PDZD2: variants seen among roughly 807,000 people sequenced by gnomAD.
PDZD2 encodes the protein PDZ domain containing 2, also known as PDZ domain-containing protein 2.
PDZD2 carries 90 observed loss-of-function variants against 220.7 expected under a neutral mutation model. That is an observed-to-expected ratio of 0.41 (90% CI 0.34 to 0.49). PDZD2 has a LOEUF of 0.49. PDZD2 is among the 20% of genes least tolerant of loss of function. PDZD2 has a pLI of 0.28. For synonymous variants in PDZD2, 1,375 were observed against 1,450.5 expected, an observed-to-expected ratio of 0.95 and a Z score of 1.18; for missense variants, 3,174 against 3,608.5, an observed-to-expected ratio of 0.88 and a Z score of 3.08.
At chr5:31,725,713 A>G (rs1306946373) in intron 1 of PDZD2, 8 of 889,946 alleles carry the variant, frequency 9.0e-6, no homozygotes, top group Admixed American at 1.7e-5. Flanking sequence ...TAGTTTTGGT[A>G]TGAGATGCAG....
chr5:31,897,239 G>GAGT (rs1328489612), intron 2 of PDZD2, among the ~76,000 whole-genome samples: 11 of 152,132 alleles, frequency 7.2e-5, no homozygotes, highest in Admixed American at 2.6e-4. Context: ...AGGGCACCAG[G>GAGT]AGTATGTCAG....
At chr5:31,762,850 G>A (rs995564581) in intron 1 of PDZD2, among the ~76,000 whole-genome samples, 1 of 152,150 alleles carries the variant, frequency 6.6e-6, no homozygotes, top group Non-Finnish European at 1.5e-5. Flanking sequence ...GCTGTCTCTA[G>A]TGTCCTTCCC....
At chr5:31,825,767 T>C (rs951343646) in intron 2 of PDZD2, among the ~76,000 whole-genome samples, 4 of 152,192 alleles carry the variant, frequency 2.6e-5, no homozygotes, top group Non-Finnish European at 5.9e-5. Flanking sequence ...GAAATAATAG[T>C]TACCATTTCC....
Position 32,097,389 on chromosome 5 carries a change from C to CA in PDZD2, c.7947+10dup. ...AGCCAAAATCAATCACGGTAAGTGACAGAGTCATTAGGCTCTCAGGAAAAT... is the reference window on the plus strand; with the variant it reads ...AGCCAAAATCAATCACGGTAAGTGACAAGAGTCATTAGGCTCTCAGGAAAAT... On this transcript the variant is annotated intron_variant, in intron 22 of 24. Coordinates refer to ENST00000438447, the MANE Select transcript of PDZD2 (RefSeq NM_178140.4). 1 of 1,544,332 alleles carries CA rather than the reference C, an allele frequency of 6.5e-7. No individual in the cohort carries two copies. The highest frequency in any genetic ancestry group is 9.0e-7 in the Non-Finnish European group (1 of 1,116,238).
chr5:31,688,270 T>C (rs1746955471), intron 1 of PDZD2, among the ~76,000 whole-genome samples: 1 of 152,118 alleles, frequency 6.6e-6, no homozygotes, highest in South Asian at 2.1e-4. Flanking sequence ...TGTCAAAGCT[T>C]TTTGGATCTG....
At chr5:32,078,414 G>C (rs1741534576) in intron 19 of PDZD2, among the ~76,000 whole-genome samples, 1 of 152,020 alleles carries the variant, frequency 6.6e-6, no homozygotes, top group Non-Finnish European at 1.5e-5. Context: ...AGTAGATCAT[G>C]AGGTCAGGAG....
Position 31,752,069 on chromosome 5 carries a change from G to GTTTTTTTTTTTTTTT in PDZD2, c.-360-46817_-360-46816insTTTTTTTTTTTTTTT, listed in dbSNP as rs1491302993. ...TTGTTTGTTTGTTTTATTGTTTTGG[G>GTTTTTTTTTTTTTTT]TTTGTTTTTTTTTTTTTTTTTCTGA... On this transcript the variant is annotated intron_variant, in intron 1 of 24. Coordinates refer to ENST00000438447, the MANE Select transcript of PDZD2 (RefSeq NM_178140.4). 7.3e-5 allele frequency among the ~76,000 whole-genome samples: 7 copies of GTTTTTTTTTTTTTTT among 95,846 alleles called. 1 individual carries two copies. Among genetic ancestry groups the GTTTTTTTTTTTTTTT allele is most frequent in the Non-Finnish European group, 9.6e-5 (5 of 52,186 alleles). 62.9% of individuals were successfully genotyped at this position (95,846 alleles called of 152,430 possible). A position where few individuals can be genotyped will look rare whatever the true frequency, so the allele number is the denominator to read the frequency against.
At chr5:32,002,598 ACACAC>A (rs1361535061) in intron 5 of PDZD2, among the ~76,000 whole-genome samples, 2 of 142,722 alleles carry the variant, frequency 1.4e-5, no homozygotes, top group Non-Finnish European at 3.2e-5. Flanking sequence ...TACCACACAC[ACACAC>A]CACACACACA....
At chr5:31,898,655 G>A (rs2150355659) in intron 2 of PDZD2, among the ~76,000 whole-genome samples, 1 of 152,220 alleles carries the variant, frequency 6.6e-6, no homozygotes, top group African/African-American at 2.4e-5. Context: ...TGCACATAGT[G>A]TGTGGATGCT....
At chr5:31,860,752 G>A (rs575052237) in intron 2 of PDZD2, among the ~76,000 whole-genome samples, 1 of 152,292 alleles carries the variant, frequency 6.6e-6, no homozygotes, top group African/African-American at 2.4e-5. Flanking sequence ...TCATTATGCT[G>A]CTGCTTCTGT....
chr5:31,816,874 C>G (rs1755492618), intron 2 of PDZD2, among the ~76,000 whole-genome samples: 1 of 152,182 alleles, frequency 6.6e-6, no homozygotes, highest in African/African-American at 2.4e-5. Flanking sequence ...GTATCTTCAG[C>G]TATGGCAGCT....
chr5:31,689,298 T>C (rs1174218539), intron 1 of PDZD2, among the ~76,000 whole-genome samples: 33 of 137,486 alleles, frequency 2.4e-4, no homozygotes, highest in Non-Finnish European at 3.2e-4. Context: ...TACATATACA[T>C]ATACACATAC....
intron 2 of PDZD2, chr5:31,822,985 T>G: frequency 8.5e-7 from 1 of 1,178,954 alleles, no homozygotes; most frequent in East Asian, 3.4e-5. Flanking sequence ...CCTCTTTTTT[T>G]TCTTTCCGAG....
chr5:32,106,875 G>A (rs2111752329), intron 24 of PDZD2, among the ~76,000 whole-genome samples: 1 of 152,292 alleles, frequency 6.6e-6, no homozygotes, highest in South Asian at 2.1e-4. Flanking sequence ...GGCTGATATT[G>A]GTGAGGTCTC....
chr5:31,976,938 G>A (rs976383966), intron 2 of PDZD2, among the ~76,000 whole-genome samples: 2 of 151,132 alleles, frequency 1.3e-5, no homozygotes, highest in Admixed American at 6.6e-5. Context: ...GGCTGGTCTC[G>A]AACTCCTGAC....
chr5:31,678,932 T>A (rs906974525), intron 1 of PDZD2, among the ~76,000 whole-genome samples: 2 of 152,158 alleles, frequency 1.3e-5, no homozygotes, highest in African/African-American at 4.8e-5. Flanking sequence ...TCCCCCCTTT[T>A]TAATTATGTC....
chr5:31,709,575 G>A (rs966436708), intron 1 of PDZD2, among the ~76,000 whole-genome samples: 1 of 152,114 alleles, frequency 6.6e-6, no homozygotes, highest in African/African-American at 2.4e-5. Context: ...AAATGATAGG[G>A]AAATGTGGGT....
In PDZD2 at chr5:32,088,748, A is replaced by G; in HGVS notation, c.5300A>G (p.Asn1767Ser). The G allele has an allele frequency of 1.2e-6, 2 of 1,614,114 alleles. No individual in the cohort carries two copies. The highest frequency in any genetic ancestry group is 1.7e-6 in the Non-Finnish European group (2 of 1,179,988). The change falls in exon 20 of 25, where the codon AAT becomes AGT. Residue 1767 changes from asparagine to serine, a missense_variant. Coordinates refer to ENST00000438447, the MANE Select transcript of PDZD2 (RefSeq NM_178140.4). This position sits in a 1 kb window ranked among gnomAD's most constrained non-coding sequence, Gnocchi z 4.6. ...TCCTTCAGTGTGGATGTCCCTAAGA[A>G]TGGAGAATCTGTTTTGGAAAACCTC... The part of the protein sequence containing the change: ...LSSFSVDVPK[N>S]GESVLENLHI...
intron 2 of PDZD2, among the ~76,000 whole-genome samples, chr5:31,894,822 A>G (rs553518887): frequency 1.3e-5 from 2 of 152,308 alleles, no homozygotes; most frequent in South Asian, 4.2e-4. Flanking sequence ...CAAGTGCTAG[A>G]CAGTTATTCT....
Sources: gnomAD v4.1 joint callset for allele counts (sites outside exome capture counted in the v4.1 genomes callset) on GRCh38, gnomAD v4.1.1 for gene constraint, Gnocchi (gnomAD v3.1) non-coding constraint, MANE v1.5 for transcripts, NCBI Gene and HGNC (gene_info 2026-07-23, HGNC 2026-07-21) for gene names.